The following RAB38 variants were observed in gnomAD, a reference collection of about 807,000 sequenced individuals.
The protein encoded by RAB38 is ras-related protein Rab-38.
Under a neutral mutation model 18.4 loss-of-function variants are expected in RAB38, and 15 were observed. That is an observed-to-expected ratio of 0.82 (90% CI 0.55 to 1.26). The LOEUF is 1.26. Ranked by LOEUF, RAB38 falls within the 50% of genes most tolerant of loss-of-function variation. The pLI is 0.00. For missense variants in RAB38, 294 were observed against 267.4 expected (o/e 1.10, Z -0.69); for synonymous variants, 101 against 104.4 (o/e 0.97, Z 0.20).
the RAB38 span, among the ~76,000 whole-genome samples, chr11:88,033,767 G>T: frequency 8.3e-6 from 1 of 120,276 alleles, no homozygotes; most frequent in African/African-American, 3.2e-5. Flanking sequence ...TCGCTCTGTC[G>T]CCCAGGCTGG....
At chr11:87,976,653 AATAT>A in the RAB38 span, among the ~76,000 whole-genome samples, 258 of 105,874 alleles carry the variant, frequency 2.4e-3, no homozygotes, top group Non-Finnish European at 3.8e-3. Context: ...ATGATATATA[AATAT>A]ATATAATTTT....
chr11:87,937,060 G>T, the RAB38 span, among the ~76,000 whole-genome samples: 1 of 151,560 alleles, frequency 6.6e-6, no homozygotes, highest in Non-Finnish European at 1.5e-5. Context: ...GCTTTTAGGG[G>T]AAAAATATTC....
At chr11:87,950,511 C>T in the RAB38 span, among the ~76,000 whole-genome samples, 3 of 152,198 alleles carry the variant, frequency 2.0e-5, no homozygotes, top group African/African-American at 4.8e-5. Flanking sequence ...CATGTTTTTG[C>T]AGTGGCTGGT....
At chr11:87,918,823 C>T in the RAB38 span, among the ~76,000 whole-genome samples, 2 of 151,734 alleles carry the variant, frequency 1.3e-5, no homozygotes, top group African/African-American at 4.8e-5. Context: ...CATAGGTTGT[C>T]TCCTTACTCT....
the RAB38 span, among the ~76,000 whole-genome samples, chr11:87,896,083 A>G: frequency 6.6e-6 from 1 of 151,706 alleles, no homozygotes; most frequent in Non-Finnish European, 1.5e-5. Flanking sequence ...CCAGGTACTG[A>G]TGAAGATACA....
At chr11:87,941,256 A>G in the RAB38 span, among the ~76,000 whole-genome samples, 1 of 46,648 alleles carries the variant, frequency 2.1e-5, no homozygotes, top group Non-Finnish European at 4.0e-5. Flanking sequence ...TGTAACTTCT[A>G]TTTTCTCGCT....
the RAB38 span, among the ~76,000 whole-genome samples, chr11:88,083,579 T>C: frequency 6.6e-6 from 1 of 152,046 alleles, no homozygotes; most frequent in East Asian, 1.9e-4. Context: ...TTTGAATGTG[T>C]CCCTTTCAAA....
the RAB38 span, among the ~76,000 whole-genome samples, chr11:87,947,586 C>A: frequency 6.6e-6 from 1 of 152,000 alleles, no homozygotes; most frequent in Non-Finnish European, 1.5e-5. Context: ...GGAAGGCATC[C>A]AGTTTCAGCT....
chr11:88,044,122 G>A, the RAB38 span, among the ~76,000 whole-genome samples: 2,820 of 152,248 alleles, frequency 0.019, 74 homozygotes, highest in African/African-American at 0.063. Flanking sequence ...CAAAACTCTG[G>A]TGCCGGTCAC....
At chr11:88,166,877 A>G (rs1435933707) in intron 1 of RAB38, 2 of 152,112 alleles carry the variant, frequency 1.3e-5, no homozygotes, top group African/African-American at 4.8e-5. Flanking sequence ...ACAGAAGTCT[A>G]TTTTTTATTG....
chr11:87,942,884 C>T, the RAB38 span, among the ~76,000 whole-genome samples: 2 of 152,106 alleles, frequency 1.3e-5, no homozygotes, highest in African/African-American at 4.8e-5. Context: ...CCATTGAGCT[C>T]TAACTCTGTA....
the RAB38 span, among the ~76,000 whole-genome samples, chr11:87,873,870 G>T: frequency 7.1e-6 from 1 of 141,200 alleles, no homozygotes; most frequent in Non-Finnish European, 1.5e-5. Context: ...GGGTGTGTGT[G>T]TGTGTGTATA....
At chr11:88,130,690 A>T (rs989900363) in intron 2 of RAB38, among the ~76,000 whole-genome samples, 2 of 152,228 alleles carry the variant, frequency 1.3e-5, no homozygotes, top group Non-Finnish European at 2.9e-5. Context: ...GTATGGGCTC[A>T]AACTGTGCCT....
the RAB38 span, among the ~76,000 whole-genome samples, chr11:87,833,912 A>G: frequency 6.6e-6 from 1 of 152,226 alleles, no homozygotes; most frequent in African/African-American, 2.4e-5. Flanking sequence ...TTGCAGTTGC[A>G]ATTAAGGTTA....
At chr11:87,953,134 T>G in the RAB38 span, among the ~76,000 whole-genome samples, 4 of 152,188 alleles carry the variant, frequency 2.6e-5, no homozygotes, top group Non-Finnish European at 5.9e-5. Context: ...TGTGACCACC[T>G]ATGTGTTAGA....
the RAB38 span, among the ~76,000 whole-genome samples, chr11:87,805,967 C>T: frequency 2.0e-5 from 3 of 152,054 alleles, no homozygotes; most frequent in South Asian, 4.1e-4. Context: ...CACTCAAAGT[C>T]TACTAATTTA....
chr11:88,124,117 GAT>G (rs1476657364), intron 2 of RAB38, among the ~76,000 whole-genome samples: 1 of 152,150 alleles, frequency 6.6e-6, no homozygotes, highest in African/African-American at 2.4e-5. Context: ...TGTAAAAATG[GAT>G]GTGTTGATAA....
At chr11:88,003,852 A>T in the RAB38 span, among the ~76,000 whole-genome samples, 808 of 28,690 alleles carry the variant, frequency 0.028, 278 homozygotes, top group South Asian at 0.094. Context: ...TTATATATAT[A>T]ATTATATAAA....
At chr11:88,098,937 TTTTC>T in the RAB38 span, among the ~76,000 whole-genome samples, 2 of 151,090 alleles carry the variant, frequency 1.3e-5, no homozygotes, top group Non-Finnish European at 2.9e-5. Context: ...TATTTTTTTG[TTTTC>T]TTTTTGTTGC....
Sources: allele counts gnomAD v4.1 joint callset (sites outside exome capture counted in the v4.1 genomes callset), GRCh38; gene constraint gnomAD v4.1.1; transcripts MANE v1.5; gene names NCBI Gene and HGNC (gene_info 2026-07-23, HGNC 2026-07-21).